ERBIN: variants seen among roughly 807,000 people sequenced by gnomAD.
ERBIN encodes erbb2 interacting protein.
Under a neutral mutation model 158.4 loss-of-function variants are expected in ERBIN, and 60 were observed. That is an observed-to-expected ratio of 0.38 (90% CI 0.31 to 0.47). ERBIN has a LOEUF of 0.47. ERBIN is among the 20% of genes least tolerant of loss of function. ERBIN has a pLI of 0.99. For synonymous variants in ERBIN, 594 were observed against 557.2 expected, an observed-to-expected ratio of 1.07 and a Z score of -0.93; for missense variants, 1,610 against 1,648.0, an observed-to-expected ratio of 0.98 and a Z score of 0.40.
chr5:65,987,523 C>T (rs1178045456), intron 1 of ERBIN, among the ~76,000 whole-genome samples: 1 of 152,120 alleles, frequency 6.6e-6, no homozygotes, highest in Admixed American at 6.5e-5. Flanking sequence ...GATTGTGCCA[C>T]TGCATTCCAG....
intron 1 of ERBIN, among the ~76,000 whole-genome samples, chr5:65,967,499 C>T (rs1310049159): frequency 1.3e-5 from 2 of 152,068 alleles, no homozygotes; most frequent in Admixed American, 1.3e-4. Context: ...CTGCTGTATT[C>T]AGTACATCAG....
At chr5:65,995,723 T>G (rs1425185999) in intron 4 of ERBIN, among the ~76,000 whole-genome samples, 1 of 152,140 alleles carries the variant, frequency 6.6e-6, no homozygotes, top group African/African-American at 2.4e-5. Context: ...CTATACTAAT[T>G]TACATCCCCA....
rs541325768 is a variant in ERBIN, at chr5:66,030,909, T to TA, written c.1206+2566_1206+2567insA. On this transcript the variant is annotated intron_variant, in intron 14 of 25. Coordinates refer to ENST00000284037, the MANE Select transcript of ERBIN (RefSeq NM_001253697.2). ...CTGTGGATAAATTAATGCCAGCAAA[T>TA]TATACCAGATGGTTCATTTTAATGA... Among the ~76,000 whole-genome samples the TA allele has an allele frequency of 5.3e-5, 8 of 152,236 alleles. No homozygotes were observed. In the South Asian group the frequency reaches 1.7e-3, roughly 32 times the overall value.
intron 20 of ERBIN, among the ~76,000 whole-genome samples, chr5:66,051,340 G>T (rs1186817189): frequency 1.3e-5 from 2 of 152,172 alleles, no homozygotes; most frequent in Non-Finnish European, 2.9e-5. Flanking sequence ...AGATACTCTT[G>T]ACTGGTGGTG....
intron 16 of ERBIN, 107 bp from the exon 17 acceptor site, chr5:66,044,030 A>G (rs1255785995): frequency 5.5e-6 from 4 of 729,742 alleles, no homozygotes; most frequent in Non-Finnish European, 6.2e-6. Flanking sequence ...AGTTATCCCT[A>G]TGAGCTTGAT....
chr5:66,003,941 T>A (rs993614752), intron 4 of ERBIN, among the ~76,000 whole-genome samples: 2 of 147,282 alleles, frequency 1.4e-5, no homozygotes, highest in Non-Finnish European at 3.0e-5. Flanking sequence ...TTTTTTTTTT[T>A]TTTTTTTATA....
intron 17 of ERBIN, 129 bp from the exon 18 acceptor site, chr5:66,046,224 T>G (rs74502439): frequency 0.05 from 24,534 of 486,516 alleles, 815 homozygotes; most frequent in Non-Finnish European, 0.069. Context: ...GTTTCTATGT[T>G]TAAAGTTTTC....
In ERBIN at chr5:65,992,731, C is replaced by A; in HGVS notation, c.13C>A (p.Arg5=). 1 of 1,588,268 alleles carries A rather than the reference C, an allele frequency of 6.3e-7. No individual in the cohort carries two copies. Residue 5 remains arginine (R), a synonymous_variant, in exon 3 of 26, where the codon CGA becomes AGA. Transcript: ENST00000284037. MTTK[R]SLFVRLVPCR... is the part of the protein sequence containing the mutation. ...GCAGTGTCTAAAAATGACTACAAAACGAAGTTTGTTTGTGCGGTTGGTACC... is the reference window on the plus strand; with the variant it reads ...GCAGTGTCTAAAAATGACTACAAAAAGAAGTTTGTTTGTGCGGTTGGTACC...
At chr5:65,953,519 C>T (rs149913913) in intron 1 of ERBIN, among the ~76,000 whole-genome samples, 20 of 152,246 alleles carry the variant, frequency 1.3e-4, no homozygotes, top group African/African-American at 4.8e-4. Context: ...ATCCATGTTG[C>T]TACATTTCTG....
intron 1 of ERBIN, among the ~76,000 whole-genome samples, chr5:65,951,447 C>T (rs974089747): frequency 5.3e-5 from 8 of 152,058 alleles, no homozygotes; most frequent in Admixed American, 6.5e-5. Context: ...AGAAATCTGT[C>T]GTGAGGCCTT....
intron 1 of ERBIN, among the ~76,000 whole-genome samples, chr5:65,950,322 A>G (rs577398876): frequency 2.6e-5 from 4 of 152,206 alleles, no homozygotes; most frequent in South Asian, 2.1e-4. Flanking sequence ...CAATCTGACA[A>G]TTTCTCAGTC....
At chr5:65,966,715 CTG>C (rs1288910664) in intron 1 of ERBIN, among the ~76,000 whole-genome samples, 1 of 126,532 alleles carries the variant, frequency 7.9e-6, no homozygotes, top group African/African-American at 2.9e-5. Context: ...AAAAAGGTAA[CTG>C]TAAATCATTC....
At chr5:65,981,735 T>C (rs1231415237) in intron 1 of ERBIN, among the ~76,000 whole-genome samples, 1 of 152,226 alleles carries the variant, frequency 6.6e-6, no homozygotes, top group African/African-American at 2.4e-5. Flanking sequence ...CAGTTGACTA[T>C]TTCTCTGAAT....
chr5:65,977,601 C>T (rs1386493517), intron 1 of ERBIN, among the ~76,000 whole-genome samples: 7 of 151,340 alleles, frequency 4.6e-5, no homozygotes, highest in African/African-American at 1.2e-4. Flanking sequence ...GATGTGATGG[C>T]GGCTGGGAAG....
At chr5:66,074,943 G>T in intron 22 of ERBIN, 81 bp from the exon 23 acceptor site, 3 of 1,280,418 alleles carry the variant, frequency 2.3e-6, no homozygotes, top group Non-Finnish European at 3.3e-6. Flanking sequence ...TAGTGCTTTT[G>T]TAATGCTCCA....
intron 9 of ERBIN, 97 bp downstream of exon 9, chr5:66,023,461 A>C (rs1229583335): frequency 1.5e-6 from 1 of 666,684 alleles, no homozygotes; most frequent in African/African-American, 1.9e-5. Context: ...ATTAATAAAA[A>C]AATTGAATTA....
At chr5:66,007,546 TA>T (rs34972803) in intron 4 of ERBIN, among the ~76,000 whole-genome samples, 65,921 of 136,762 alleles carry the variant, frequency 0.48, 14,581 homozygotes, top group Non-Finnish European at 0.53. Context: ...TAAAGTATAA[TA>T]AAAAAAAAAA....
rs2151317541 is a variant in ERBIN at position 66,079,161 on chromosome 5, G to A, written c.*631G>A. On this transcript the variant is annotated 3_prime_UTR_variant, in exon 26 of 26. Coordinates refer to ENST00000284037, the MANE Select transcript of ERBIN (RefSeq NM_001253697.2). ...CTACGTGGTAGTATGTTTTTATTAG[G>A]AGAATAATGCAATAAAATATGTAAT... 1 of 152,702 alleles carries A rather than the reference G, an allele frequency of 6.5e-6. No individual in the cohort carries two copies. The highest frequency in any genetic ancestry group is 2.1e-4 in the South Asian group (1 of 4,828). The allele number at this position is 152,702 out of a possible 1,614,324, so 9.5% of individuals were successfully genotyped here.
At chr5:65,977,688 G>T (rs1235381907) in intron 1 of ERBIN, among the ~76,000 whole-genome samples, 10 of 151,682 alleles carry the variant, frequency 6.6e-5, no homozygotes, top group African/African-American at 2.4e-4. Context: ...CAGCCAGGCA[G>T]AGGGGCTCCT....
Sources: gnomAD v4.1 joint callset for allele counts (sites outside exome capture counted in the v4.1 genomes callset) on GRCh38, gnomAD v4.1.1 for gene constraint, MANE v1.5 for transcripts, NCBI Gene and HGNC (gene_info 2026-07-23, HGNC 2026-07-21) for gene names.